Variants in POU2AF2 observed in about 807,000 individuals in gnomAD.
The protein encoded by POU2AF2 is POU class 2 homeobox associating factor 2, also known as POU domain class 2-associating factor 2.
At chr11:111,260,053 G>T in the POU2AF2 span, among the ~76,000 whole-genome samples, 1 of 152,270 alleles carries the variant, frequency 6.6e-6, no homozygotes, top group East Asian at 1.9e-4. Context: ...ATTGACTCTT[G>T]AGGACCTATT....
the POU2AF2 span, chr11:111,281,514 T>C: frequency 2.6e-6 from 4 of 1,513,114 alleles, no homozygotes; most frequent in Middle Eastern, 1.7e-4. Context: ...CATTCTTTCA[T>C]AACGACCTTA....
At chr11:111,247,583 C>G in the POU2AF2 span, among the ~76,000 whole-genome samples, 3 of 151,966 alleles carry the variant, frequency 2.0e-5, no homozygotes, top group Non-Finnish European at 4.4e-5. Flanking sequence ...GTCAAGAGAT[C>G]GAAACCATCC....
chr11:111,264,568 GAAA>G, the POU2AF2 span, among the ~76,000 whole-genome samples: 2 of 34,604 alleles, frequency 5.8e-5, no homozygotes, highest in East Asian at 5.9e-4. Context: ...AAGAAAGAAA[GAAA>G]GAAAGGGAGA....
the POU2AF2 span, among the ~76,000 whole-genome samples, chr11:111,270,810 G>A: frequency 6.6e-6 from 1 of 152,126 alleles, no homozygotes. Flanking sequence ...ATCAGCCCTT[G>A]TTGATAATCC....
the POU2AF2 span, among the ~76,000 whole-genome samples, chr11:111,278,565 T>A: frequency 1.2e-5 from 1 of 81,762 alleles, no homozygotes; most frequent in Non-Finnish European, 2.9e-5. Flanking sequence ...TGTCTCTCTC[T>A]CTCTCTCTCT....
the POU2AF2 span, among the ~76,000 whole-genome samples, chr11:111,265,449 G>A: frequency 2.8e-4 from 43 of 152,174 alleles, no homozygotes; most frequent in East Asian, 8.1e-3. Context: ...GAATATCAGA[G>A]TCAGACAGAC....
the POU2AF2 span, chr11:111,245,841 A>G: frequency 7.5e-6 from 3 of 398,876 alleles, no homozygotes; most frequent in African/African-American, 6.2e-5. Flanking sequence ...GAAATCCACC[A>G]GAAACATCCA....
the POU2AF2 span, chr11:111,284,332 G>C: frequency 6.2e-7 from 1 of 1,611,130 alleles, no homozygotes; most frequent in Non-Finnish European, 8.5e-7. Flanking sequence ...CCCTACCGCC[G>C]CTCCTGCCAC....
the POU2AF2 span, among the ~76,000 whole-genome samples, chr11:111,264,548 GAA>G: frequency 0.012 from 792 of 65,190 alleles, 72 homozygotes; most frequent in African/African-American, 0.022. Flanking sequence ...AAGAAAGAAA[GAA>G]AGAAAGAAAG....
At chr11:111,266,539 T>G in the POU2AF2 span, among the ~76,000 whole-genome samples, 6 of 152,178 alleles carry the variant, frequency 3.9e-5, no homozygotes, top group Non-Finnish European at 8.8e-5. Flanking sequence ...GTTCTGATGC[T>G]AACGTTAATA....
chr11:111,257,416 G>A, the POU2AF2 span, among the ~76,000 whole-genome samples: 1 of 149,820 alleles, frequency 6.7e-6, no homozygotes, highest in Admixed American at 6.7e-5. Flanking sequence ...CTGGTGTGCA[G>A]TGGCGCAATC....
At chr11:111,276,453 A>AAAAAAAAAATATATATATATAT in the POU2AF2 span, among the ~76,000 whole-genome samples, 3 of 37,676 alleles carry the variant, frequency 8.0e-5, no homozygotes, top group African/African-American at 9.6e-5. Flanking sequence ...AAAAAAAAAA[A>AAAAAAAAAATATATATATATAT]ATATATATAT....
the POU2AF2 span, among the ~76,000 whole-genome samples, chr11:111,269,969 G>A: frequency 6.6e-6 from 1 of 152,278 alleles, no homozygotes; most frequent in South Asian, 2.1e-4. Flanking sequence ...AAAGATTTGA[G>A]ATTTGCAATA....
At chr11:111,264,507 A>AGAAG in the POU2AF2 span, among the ~76,000 whole-genome samples, 1 of 27,620 alleles carries the variant, frequency 3.6e-5, no homozygotes, top group South Asian at 1.5e-3. Context: ...AAAGAAAGAA[A>AGAAG]GAAAGAAAGA....
chr11:111,262,802 T>G, the POU2AF2 span, among the ~76,000 whole-genome samples: 1 of 152,226 alleles, frequency 6.6e-6, no homozygotes, highest in Non-Finnish European at 1.5e-5. Context: ...AGATAAATTT[T>G]ACTGTGTATA....
the POU2AF2 span, among the ~76,000 whole-genome samples, chr11:111,283,304 C>T: frequency 8.5e-5 from 13 of 152,092 alleles, no homozygotes; most frequent in African/African-American, 2.4e-4. Context: ...CAGCCTGGGC[C>T]TCCCAAAGTG....
At chr11:111,285,911 G>T in the POU2AF2 span, 1 of 1,613,796 alleles carries the variant, frequency 6.2e-7, no homozygotes, top group Non-Finnish European at 8.5e-7. Flanking sequence ...TTTCATGACG[G>T]TGTCAAATGA....
chr11:111,260,094 G>T, the POU2AF2 span, among the ~76,000 whole-genome samples: 1 of 152,168 alleles, frequency 6.6e-6, no homozygotes, highest in Non-Finnish European at 1.5e-5. Flanking sequence ...AATCCAATAA[G>T]AAAGAATCAT....
chr11:111,282,126 A>G, the POU2AF2 span, among the ~76,000 whole-genome samples: 3 of 152,212 alleles, frequency 2.0e-5, no homozygotes, highest in Non-Finnish European at 2.9e-5. Flanking sequence ...AAAAATTTCC[A>G]TAGCTTCTCT....
Sources: allele counts gnomAD v4.1 joint callset (sites outside exome capture counted in the v4.1 genomes callset), GRCh38; gene constraint gnomAD v4.1.1; transcripts MANE v1.5; gene names NCBI Gene and HGNC (gene_info 2026-07-23, HGNC 2026-07-21).